The following ENO1 variants were observed in gnomAD, a reference collection of about 807,000 sequenced individuals.
ENO1 encodes alpha-enolase.
ENO1 carries 33 observed loss-of-function variants against 46.3 expected under a neutral mutation model. That is an observed-to-expected ratio of 0.71 (90% CI 0.54 to 0.95). The LOEUF (loss-of-function observed/expected upper bound fraction) is 0.95, where lower values mean the gene tolerates loss of function less well. Ranked by LOEUF, ENO1 falls within the 40% of genes least tolerant of loss-of-function variation. The pLI is 0.00. For synonymous variants in ENO1, 220 were observed against 216.0 expected, an observed-to-expected ratio of 1.02 and a Z score of -0.16; for missense variants, 488 against 553.3, an observed-to-expected ratio of 0.88 and a Z score of 1.18.
At chr1:8,868,130 A>G in intron 4 of ENO1, 73 bp from the exon 5 acceptor site, 1 of 1,135,510 alleles carries the variant, frequency 8.8e-7, no homozygotes, top group South Asian at 1.3e-5. Context: ...CTACCATGGA[A>G]TCTGACTTTG....
In ENO1 at chr1:8,868,072, G is replaced by A. The variant is rs201242922; in HGVS notation, c.241-15C>T. On this transcript the variant is annotated splice_polypyrimidine_tract_variant and intron_variant, in intron 4 of 11. Coordinates refer to ENST00000234590, the MANE Select transcript of ENO1 (RefSeq NM_001428.5). ...ACGTTCAGTTTCTACGAGGGAGAGG[G>A]GAGAATGAGGGGTTGGGGCCACTCT... 1 of 1,603,746 alleles carries A rather than the reference G, an allele frequency of 6.2e-7. No homozygotes were observed. Among genetic ancestry groups the A allele is most frequent in the Non-Finnish European group, 8.5e-7 (1 of 1,170,738 alleles).
chr1:8,865,621 C>CT (rs901069001), intron 7 of ENO1, 139 bp from the exon 8 acceptor site: 6 of 806,132 alleles, frequency 7.4e-6, no homozygotes, highest in Non-Finnish European at 1.2e-5. Flanking sequence ...ACATCAGTTA[C>CT]TTTTTTTCTG....
rs533447998 is a variant in ENO1 at position 8,872,942 on chromosome 1, A to C, written c.86-956T>G. Among the ~76,000 whole-genome samples, 4 of 152,354 alleles carry C rather than the reference A, an allele frequency of 2.6e-5. No homozygotes were observed. The East Asian group carries it at 7.7e-4, about 29-fold the overall frequency. ...TCTGGTGAAACCTATACCTGTAACA[A>C]GGGCAATCTTTGGTGGAGGCAAAAG... On this transcript the variant is annotated intron_variant, in intron 2 of 11. Coordinates refer to ENST00000234590, the MANE Select transcript of ENO1 (RefSeq NM_001428.5).
intron 4 of ENO1, among the ~76,000 whole-genome samples, chr1:8,869,086 T>C (rs549487340): frequency 1.6e-4 from 24 of 152,186 alleles, no homozygotes; most frequent in Non-Finnish European, 3.1e-4. Flanking sequence ...GAAAATCAAC[T>C]CTGATCCCAT....
chr1:8,863,690 C>A (rs1642451620), intron 9 of ENO1, among the ~76,000 whole-genome samples: 1 of 152,192 alleles, frequency 6.6e-6, no homozygotes, highest in South Asian at 2.1e-4. Flanking sequence ...GATCCTCCTG[C>A]CTTGGCCTCC....
chr1:8,873,331 A>C (rs1299727569), intron 2 of ENO1, among the ~76,000 whole-genome samples: 1 of 152,222 alleles, frequency 6.6e-6, no homozygotes, highest in Non-Finnish European at 1.5e-5. Context: ...GCTCTAAAAA[A>C]GTTGATGAGA....
intron 8 of ENO1, among the ~76,000 whole-genome samples, chr1:8,864,457 T>C (rs1416965462): frequency 1.3e-5 from 2 of 152,206 alleles, no homozygotes; most frequent in Non-Finnish European, 2.9e-5. Flanking sequence ...TATGCCAACC[T>C]ACCCAGCTAC....
chr1:8,866,529 G>A (rs1232826672), intron 6 of ENO1, 28 bp from the exon 7 acceptor site: 3 of 1,612,642 alleles, frequency 1.9e-6, no homozygotes, highest in Non-Finnish European at 2.5e-6. Context: ...GAGAAGCATG[G>A]CACTGGGTCC....
At chr1:8,864,664 G>A (rs751404926) in intron 8 of ENO1, among the ~76,000 whole-genome samples, 1 of 152,142 alleles carries the variant, frequency 6.6e-6, no homozygotes, top group Admixed American at 6.5e-5. Flanking sequence ...GGTTGTTTGA[G>A]TTTAGTGCCA....
chr1:8,877,955 G>A lies in ENO1; in HGVS notation c.-10+625C>T, dbSNP rs1301353483. The A allele has an allele frequency of 2.6e-5, 4 of 152,328 alleles. No homozygotes were observed. The East Asian group carries it at 7.7e-4, about 29-fold the overall frequency. The allele number at this position is 152,328 out of a possible 1,614,324, so 9.4% of individuals were successfully genotyped here. ...GGAGCCGCTCTTGCCCAACTTGGGC[G>A]AGGTCGCCTGGAGGACTTGCCAATG... On this transcript the variant is annotated intron_variant, in intron 1 of 11. Transcript: ENST00000234590.
At chr1:8,875,343 G>A (rs796226603) in intron 1 of ENO1, among the ~76,000 whole-genome samples, 20 of 152,060 alleles carry the variant, frequency 1.3e-4, no homozygotes, top group African/African-American at 4.6e-4. Context: ...GCCCACAAAC[G>A]TGTGTGCCCA....
chr1:8,868,948 A>C (rs1023750871), intron 4 of ENO1, among the ~76,000 whole-genome samples: 1 of 152,134 alleles, frequency 6.6e-6, no homozygotes, highest in African/African-American at 2.4e-5. Flanking sequence ...AAGTCCTCCT[A>C]AAGTGTTGGA....
In ENO1 at chr1:8,865,884, C is replaced by T. The variant is rs112523950; in HGVS notation, c.667+395G>A. Reference sequence around the variant, plus strand: ...GGCAGCCCGGGATGGCAGGATCCTCCCGCCAGGCTGTGCCGTTGAGAGCTC... The same window carrying T: ...GGCAGCCCGGGATGGCAGGATCCTCTCGCCAGGCTGTGCCGTTGAGAGCTC... On this transcript the variant is annotated intron_variant, in intron 7 of 11. Coordinates refer to ENST00000234590, the MANE Select transcript of ENO1 (RefSeq NM_001428.5). 8.8e-3 allele frequency: 2,899 copies of T among 328,404 alleles called. 16 individuals carry two copies. Among genetic ancestry groups the T allele is most frequent in the Non-Finnish European group, 0.012 (2,019 of 173,920 alleles). The allele number at this position is 328,404 out of a possible 1,614,324, so 20.3% of individuals were successfully genotyped here.
Position 8,862,385 on chromosome 1 carries a change from C to T in ENO1, c.1235+502G>A, listed in dbSNP as rs1200967474. Reference sequence around the variant, plus strand: ...TGGGAGAACTTAGCGGGGTGGCGGGCGGGGGGACAAGTCTCCTGGTGTTCA... The same window carrying T: ...TGGGAGAACTTAGCGGGGTGGCGGGTGGGGGGACAAGTCTCCTGGTGTTCA... On this transcript the variant is annotated intron_variant, in intron 11 of 11. Transcript: ENST00000234590. 4.1e-5 allele frequency among the ~76,000 whole-genome samples: 6 copies of T among 147,132 alleles called. No homozygotes were observed. In the East Asian group the frequency reaches 8.4e-4, roughly 21 times the overall value.
intron 4 of ENO1, 106 bp downstream of exon 4, chr1:8,870,346 C>T (rs1642603866): frequency 2.8e-6 from 4 of 1,417,668 alleles, no homozygotes; most frequent in Admixed American, 1.9e-5. Flanking sequence ...ATCCAATAGG[C>T]TTCTACAGCT....
At chr1:8,873,514 T>C (rs890450937) in intron 2 of ENO1, among the ~76,000 whole-genome samples, 1 of 152,178 alleles carries the variant, frequency 6.6e-6, no homozygotes, top group Admixed American at 6.5e-5. Context: ...AATATCCAAG[T>C]AGAAAGTTCC....
At chr1:8,867,346 C>A (rs556055143) in intron 5 of ENO1, 96 bp from the exon 6 acceptor site, 2 of 1,493,378 alleles carry the variant, frequency 1.3e-6, no homozygotes, top group Non-Finnish European at 1.8e-6. Flanking sequence ...TGCACCATCT[C>A]CTCCCCCATC....
intron 7 of ENO1, 177 bp downstream of exon 7, chr1:8,866,098 AAAAT>A: frequency 1.8e-6 from 1 of 560,400 alleles, no homozygotes; most frequent in Non-Finnish European, 3.1e-6. Flanking sequence ...AAAAAAGAAA[AAAAT>A]AAGTAAAATA....
At chr1:8,869,052 G>A (rs1414298574) in intron 4 of ENO1, among the ~76,000 whole-genome samples, 2 of 152,100 alleles carry the variant, frequency 1.3e-5, no homozygotes, top group Non-Finnish European at 2.9e-5. Flanking sequence ...TCTATGATGT[G>A]CTTGATATAA....
Sources: allele counts gnomAD v4.1 joint callset (sites outside exome capture counted in the v4.1 genomes callset), GRCh38; gene constraint gnomAD v4.1.1; transcripts MANE v1.5; gene names NCBI Gene and HGNC (gene_info 2026-07-23, HGNC 2026-07-21).